Variants in NOSTRIN observed in about 807,000 individuals in gnomAD.
The protein encoded by NOSTRIN is nitric oxide synthase trafficking.
NOSTRIN carries 63 observed loss-of-function variants against 59.0 expected under a neutral mutation model. That is an observed-to-expected ratio of 1.07 (90% CI 0.87 to 1.32). NOSTRIN has a LOEUF of 1.32. Among genes scored for constraint, NOSTRIN ranks in the 40% most tolerant of loss-of-function variants. The pLI is 0.00. For missense variants in NOSTRIN, 512 were observed against 473.1 expected (o/e 1.08, Z -0.76); for synonymous variants, 200 against 165.4 (o/e 1.21, Z -1.61).
At chr2:168,855,717 AT>A (rs1689060057) in intron 11 of NOSTRIN, 1 of 441,064 alleles carries the variant, frequency 2.3e-6, no homozygotes, top group South Asian at 2.7e-5. Flanking sequence ...ATTTTCAGAA[AT>A]GTAGCATTTT....
At chr2:168,799,869 C>T (rs1685570129), upstream of NOSTRIN, among the ~76,000 whole-genome samples, 1 of 152,184 alleles carries the variant, frequency 6.6e-6, no homozygotes, top group South Asian at 2.1e-4. Flanking sequence ...AAACTAACTC[C>T]AATTGTCTGC....
chr2:168,818,024 G>A (rs1336865423), intron 2 of NOSTRIN: 1 of 157,758 alleles, frequency 6.3e-6, no homozygotes, highest in Non-Finnish European at 1.4e-5. Context: ...GTCCTAAGTA[G>A]GAACTTAAAA....
At chr2:168,787,311 G>A (rs1245740184) in intron 1 of NOSTRIN, among the ~76,000 whole-genome samples, 2 of 152,022 alleles carry the variant, frequency 1.3e-5, no homozygotes, top group African/African-American at 4.8e-5. Flanking sequence ...CCCTCCCCAT[G>A]GGCACTGTCT....
At chr2:168,816,166 C>A (rs557926688) in intron 2 of NOSTRIN, among the ~76,000 whole-genome samples, 2 of 152,122 alleles carry the variant, frequency 1.3e-5, no homozygotes, top group Non-Finnish European at 2.9e-5. Context: ...ACCCCTTAAG[C>A]CTTTTACTCT....
At chr2:168,829,631 T>G (rs1262966138) in intron 5 of NOSTRIN, among the ~76,000 whole-genome samples, 1 of 152,214 alleles carries the variant, frequency 6.6e-6, no homozygotes, top group East Asian at 1.9e-4. Flanking sequence ...TAGAACAGTT[T>G]CATTTGTGTT....
rs760424889 is a variant in NOSTRIN, at chr2:168,864,861, A to C, written c.1412A>C (p.Lys471Thr). Residue 471 changes from lysine to threonine, a missense_variant, in exon 16 of 16, where the codon AAA becomes ACA. By Grantham distance (78) the Lys-to-Thr change is moderately conservative. Transcript: ENST00000317647. The stretch of plus-strand genomic sequence containing the variant: ...GACATTGTGATTATACACGAGAAAA[A>C]AGAAGGAGGATGGTGGTTTGGATCT... ...KGDIVIIHEK[K>T]EGGWWFGSLN... The C allele has an allele frequency of 1.2e-6, 2 of 1,614,022 alleles. No individual in the cohort carries two copies. The highest frequency in any genetic ancestry group is 1.7e-6 in the Non-Finnish European group (2 of 1,179,944).
Position 168,864,944 on chromosome 2 carries a change from G to A in NOSTRIN, c.1495G>A (p.Ala499Thr). 1.9e-6 allele frequency: 3 copies of A among 1,614,108 alleles called. No individual in the cohort carries two copies. Among genetic ancestry groups the A allele is most frequent in the Non-Finnish European group, 2.5e-6 (3 of 1,180,008 alleles). The change falls in exon 16 of 16, where the codon GCT becomes ACT. Residue 499 changes from alanine (A) to threonine (T), a missense_variant. Coordinates refer to ENST00000317647, the MANE Select transcript of NOSTRIN (RefSeq NM_001039724.4). Reference protein sequence around the residue: ...AAYVEELPSNAGNTATKA With the variant: ...AAYVEELPSNTGNTATKA The stretch of plus-strand genomic sequence containing the variant: ...TTATGTGGAGGAGTTACCTTCAAAT[G>A]CTGGCAACACAGCTACAAAGGCATA...
At chr2:168,837,609 A>C (rs1265532249) in intron 7 of NOSTRIN, among the ~76,000 whole-genome samples, 2 of 151,942 alleles carry the variant, frequency 1.3e-5, no homozygotes, top group African/African-American at 4.8e-5. Flanking sequence ...GCGCCCGGTC[A>C]CAATATATCT....
intron 1 of NOSTRIN, among the ~76,000 whole-genome samples, chr2:168,807,650 G>A (rs1364391384): frequency 6.6e-6 from 1 of 152,152 alleles, no homozygotes; most frequent in Non-Finnish European, 1.5e-5. Flanking sequence ...TGGCGTTTGA[G>A]GTTTGAGGGT....
chr2:168,795,106 A>G (rs1369983600), upstream of NOSTRIN, among the ~76,000 whole-genome samples: 2 of 152,224 alleles, frequency 1.3e-5, no homozygotes, highest in African/African-American at 2.4e-5. Flanking sequence ...GCAATGATTT[A>G]TAGGAAATAA....
At chr2:168,802,510 C>T (rs1416288238), upstream of NOSTRIN, 6 of 700,498 alleles carry the variant, frequency 8.6e-6, no homozygotes, top group African/African-American at 8.7e-5. Flanking sequence ...CTGGGACTTC[C>T]TCCTTGGAAT....
At position 168,860,926 on chromosome 2, in the gene NOSTRIN, A is replaced by G. The variant is rs771320607; in HGVS notation, c.1294+17A>G. On this transcript the variant is annotated intron_variant, in intron 14 of 15. Coordinates refer to ENST00000317647, the MANE Select transcript of NOSTRIN (RefSeq NM_001039724.4). The stretch of plus-strand genomic sequence containing the variant: ...CAACTCCAGGTAATCCCATGCCCAC[A>G]ATCATTTTGGCCTGGGTCCTACTGG... 6.4e-6 allele frequency: 10 copies of G among 1,564,230 alleles called. No homozygotes were observed.
chr2:168,857,194 C>A (rs1396098323), intron 12 of NOSTRIN, among the ~76,000 whole-genome samples: 1 of 152,306 alleles, frequency 6.6e-6, no homozygotes. Context: ...GATATTGGTA[C>A]TTTACCTCAT....
chr2:168,800,562 A>G (rs1445507899), upstream of NOSTRIN, among the ~76,000 whole-genome samples: 1 of 152,180 alleles, frequency 6.6e-6, no homozygotes, highest in Admixed American at 6.5e-5. Flanking sequence ...AAAGCTAGTC[A>G]GCCCACTGGG....
intron 1 of NOSTRIN, among the ~76,000 whole-genome samples, chr2:168,804,797 A>G (rs1162188441): frequency 6.6e-6 from 1 of 152,198 alleles, no homozygotes; most frequent in Non-Finnish European, 1.5e-5. Context: ...TTTCTAACTG[A>G]AATTTAGAAT....
upstream of NOSTRIN, among the ~76,000 whole-genome samples, chr2:168,798,995 A>G (rs1414158685): frequency 2.6e-5 from 4 of 152,162 alleles, no homozygotes; most frequent in African/African-American, 9.7e-5. Context: ...ATGTAAAGGC[A>G]TCTTGTTCCT....
At chr2:168,840,961 T>C (rs1187735503) in intron 7 of NOSTRIN, among the ~76,000 whole-genome samples, 1 of 151,970 alleles carries the variant, frequency 6.6e-6, no homozygotes, top group Non-Finnish European at 1.5e-5. Flanking sequence ...TAGAGTAAAG[T>C]TGGAGAATCG....
chr2:168,799,773 C>G (rs1423988533), upstream of NOSTRIN, among the ~76,000 whole-genome samples: 5 of 152,222 alleles, frequency 3.3e-5, no homozygotes, highest in East Asian at 9.6e-4. Context: ...AAGACATATA[C>G]CAGCCACCTG....
At chr2:168,862,270 C>T (rs1464012250) in intron 15 of NOSTRIN, among the ~76,000 whole-genome samples, 1 of 152,148 alleles carries the variant, frequency 6.6e-6, no homozygotes, top group East Asian at 1.9e-4. Context: ...GCCTATTGTC[C>T]AATTTAATAT....
Sources: allele counts gnomAD v4.1 joint callset (sites outside exome capture counted in the v4.1 genomes callset), GRCh38; gene constraint gnomAD v4.1.1; transcripts MANE v1.5; gene names NCBI Gene and HGNC (gene_info 2026-07-23, HGNC 2026-07-21).